Variants in CLCC1 observed in about 807,000 individuals in gnomAD.
CLCC1 encodes chloride channel CLIC like 1.
A neutral mutation model predicts 63.3 loss-of-function variants in CLCC1; 39 were observed. The ratio of observed to expected loss-of-function variants is 0.62; its 90% CI spans 0.48 to 0.81. The LOEUF (loss-of-function observed/expected upper bound fraction) is 0.81. Ranked by LOEUF, CLCC1 falls within the 30% of genes least tolerant of loss-of-function variation. The probability of loss-of-function intolerance (pLI) is 0.00; values close to 1 mark genes in which losing one functional copy is unlikely to be tolerated. For missense variants in CLCC1, 549 were observed against 669.4 expected, an observed-to-expected ratio of 0.82 and a Z score of 1.98; for synonymous variants, 217 against 239.8, an observed-to-expected ratio of 0.90 and a Z score of 0.88.
In CLCC1 at chr1:108,959,269, G is replaced by A. The variant is rs541967281; in HGVS notation, c.-12+3040C>T. 1.6e-4 allele frequency among the ~76,000 whole-genome samples: 24 copies of A among 152,090 alleles called. No homozygotes were observed. The East Asian group carries it at 4.2e-3, about 27-fold the overall frequency. Reference sequence around the variant, plus strand: ...CTTGAATGGCTGAGACAGGAAAATCGCTTGAGCCTGGGAGACAGAGGTTGC... The same window carrying A: ...CTTGAATGGCTGAGACAGGAAAATCACTTGAGCCTGGGAGACAGAGGTTGC... On this transcript the variant is annotated intron_variant, in intron 2 of 12. Coordinates refer to ENST00000369969, the MANE Select transcript of CLCC1 (RefSeq NM_001377458.1).
At chr1:108,946,476 A>G (rs1654555226) in intron 5 of CLCC1, among the ~76,000 whole-genome samples, 2 of 152,208 alleles carry the variant, frequency 1.3e-5, no homozygotes, top group South Asian at 4.1e-4. Context: ...CATTTCCAGA[A>G]TAAGGTGGCG....
At position 108,931,627 on chromosome 1, in the gene CLCC1, C is replaced by CAAAAA; in HGVS notation, c.*919_*920insTTTTT. 1 of 1,011,700 alleles carries CAAAAA rather than the reference C, an allele frequency of 9.9e-7. No individual in the cohort carries two copies. Among genetic ancestry groups the CAAAAA allele is most frequent in the Non-Finnish European group, 1.3e-6 (1 of 786,374 alleles). 62.7% of individuals were successfully genotyped at this position (1,011,700 alleles called of 1,614,324 possible). Reference sequence around the variant, plus strand: ...GGAATTAATTACATTAAGTGCTCAGCTAAAAAAAAAAAAAAAGTTCTAAAT... The same window carrying CAAAAA: ...GGAATTAATTACATTAAGTGCTCAGCAAAAATAAAAAAAAAAAAAAAGTTCTAAAT... On this transcript the variant is annotated 3_prime_UTR_variant, in exon 13 of 13. Transcript: ENST00000369969.
intron 7 of CLCC1, among the ~76,000 whole-genome samples, chr1:108,941,756 C>T (rs959906583): frequency 3.9e-5 from 6 of 152,050 alleles, no homozygotes; most frequent in East Asian, 3.9e-4. Flanking sequence ...CGGGTTCAAG[C>T]GATTCTCCTG....
chr1:108,947,511 G>A, intron 5 of CLCC1, 100 bp downstream of exon 5: 1 of 713,834 alleles, frequency 1.4e-6, no homozygotes, highest in South Asian at 2.2e-5. Flanking sequence ...GGTGGTCTCT[G>A]TTAAAAAGCA....
intron 6 of CLCC1, 44 bp downstream of exon 6, chr1:108,943,792 A>G: frequency 6.6e-7 from 1 of 1,518,852 alleles, no homozygotes; most frequent in Non-Finnish European, 9.1e-7. Context: ...AGTATTTTAA[A>G]AAGGAAACTT....
chr1:108,939,879 A>G (rs1571019960), intron 9 of CLCC1, 97 bp from the exon 10 acceptor site: 2 of 1,376,956 alleles, frequency 1.5e-6, no homozygotes, highest in East Asian at 2.3e-5. Context: ...AGTATGTTAC[A>G]TAAATTAAAA....
intron 10 of CLCC1, among the ~76,000 whole-genome samples, chr1:108,939,226 TATATATAATAA>T (rs1653460031): frequency 7.0e-6 from 1 of 142,676 alleles, no homozygotes; most frequent in African/African-American, 2.7e-5. Flanking sequence ...AAATATATAT[TATATATAATAA>T]ATATATAAAT....
In CLCC1 at chr1:108,947,725, C is replaced by A. The variant is rs368744944; in HGVS notation, c.232-7G>T. 7.0e-6 allele frequency: 11 copies of A among 1,564,984 alleles called. No individual in the cohort carries two copies. Among genetic ancestry groups the A allele is most frequent in the Non-Finnish European group, 8.8e-6 (10 of 1,142,252 alleles). ...TCTTTTCACACTCATCAATCTGTAACCATAAAATCAATTCAACATTAGTTA... is the reference window on the plus strand; with the variant it reads ...TCTTTTCACACTCATCAATCTGTAAACATAAAATCAATTCAACATTAGTTA... On this transcript the variant is annotated splice_region_variant and splice_polypyrimidine_tract_variant and intron_variant, in intron 4 of 12. Transcript: ENST00000369969.
At chr1:108,952,131 A>G (rs1655260020) in intron 2 of CLCC1, among the ~76,000 whole-genome samples, 1 of 151,330 alleles carries the variant, frequency 6.6e-6, no homozygotes, top group Non-Finnish European at 1.5e-5. Context: ...ATAGCTCAAT[A>G]AAGTCAATTT....
chr1:108,952,111 T>C (rs1655257403), intron 2 of CLCC1, among the ~76,000 whole-genome samples: 1 of 151,672 alleles, frequency 6.6e-6, no homozygotes. Context: ...GATTATATAG[T>C]ATGTGATTTA....
At chr1:108,941,599 C>A in intron 7 of CLCC1, 101 bp from the exon 8 acceptor site, 1 of 631,362 alleles carries the variant, frequency 1.6e-6, no homozygotes, top group South Asian at 2.5e-5. Flanking sequence ...TACCATTCAT[C>A]CAAACCAGAC....
Position 108,931,561 on chromosome 1 carries a change from C to A in CLCC1, c.*986G>T. The stretch of plus-strand genomic sequence containing the variant: ...AGGTGATTTGGATGGGCAAATAGAA[C>A]TATTTCTCTAATGGCCAATGTTTTT... On this transcript the variant is annotated 3_prime_UTR_variant, in exon 13 of 13. Coordinates refer to ENST00000369969, the MANE Select transcript of CLCC1 (RefSeq NM_001377458.1). 6.9e-7 allele frequency: 1 copy of A among 1,456,450 alleles called. No homozygotes were observed. The highest frequency in any genetic ancestry group is 1.4e-5 in the South Asian group (1 of 71,862). The allele number at this position is 1,456,450 out of a possible 1,614,324, so 90.2% of individuals were successfully genotyped here.
chr1:108,959,471 G>A (rs985054104), intron 2 of CLCC1, among the ~76,000 whole-genome samples: 1 of 152,132 alleles, frequency 6.6e-6, no homozygotes. Context: ...ATTCATGCTA[G>A]TTTTGCTGTC....
At position 108,943,643 on chromosome 1, in the gene CLCC1, CCA is replaced by C. The variant is rs755171259; in HGVS notation, c.562-30_562-29del. ...TAAAACAGAGAGAAGCAGAAATCAG[CCA>C]CCAAAAACACTTAAGACAGCTAAAA... On this transcript the variant is annotated intron_variant, in intron 6 of 12. Transcript: ENST00000369969. The C allele has an allele frequency of 2.3e-5, 37 of 1,611,734 alleles. No individual in the cohort carries two copies. In the South Asian group the frequency reaches 3.9e-4, roughly 17 times the overall value.
At chr1:108,963,288 T>A in intron 1 of CLCC1, 73 bp downstream of exon 1, 1 of 675,328 alleles carries the variant, frequency 1.5e-6, no homozygotes, top group South Asian at 1.5e-5. Context: ...GCGAGTCCGC[T>A]GGACCCGCCA....
At chr1:108,950,003 G>T in intron 3 of CLCC1, 82 bp from the exon 4 acceptor site, 1 of 861,832 alleles carries the variant, frequency 1.2e-6, no homozygotes, top group Non-Finnish European at 1.9e-6. Flanking sequence ...CTAAGATTCT[G>T]ACTTCATCAT....
At chr1:108,940,592 C>G (rs545497263) in intron 8 of CLCC1, among the ~76,000 whole-genome samples, 2 of 152,308 alleles carry the variant, frequency 1.3e-5, no homozygotes, top group East Asian at 3.9e-4. Flanking sequence ...GTATTTCTTA[C>G]TGTGTGAATC....
chr1:108,952,734 A>T (rs1003268414), intron 2 of CLCC1, among the ~76,000 whole-genome samples: 1 of 151,424 alleles, frequency 6.6e-6, no homozygotes, highest in Non-Finnish European at 1.5e-5. Context: ...CAGGAGGCAG[A>T]GGTTGCAGTG....
intron 5 of CLCC1, among the ~76,000 whole-genome samples, chr1:108,946,452 C>T (rs1011931445): frequency 2.6e-5 from 4 of 152,168 alleles, no homozygotes; most frequent in African/African-American, 7.2e-5. Flanking sequence ...CGTATGAGAA[C>T]GCATCTGCTT....
Sources: allele counts gnomAD v4.1 joint callset (sites outside exome capture counted in the v4.1 genomes callset), GRCh38; gene constraint gnomAD v4.1.1; transcripts MANE v1.5; gene names NCBI Gene and HGNC (gene_info 2026-07-23, HGNC 2026-07-21).